NLRP14: variants seen among roughly 807,000 people sequenced by gnomAD.
NLRP14 encodes NLR family pyrin domain containing 14, also known as NACHT, LRR and PYD domains-containing protein 14.
In NLRP14, 105 loss-of-function variants were observed where a neutral mutation model predicts 94.7. That is an observed-to-expected ratio of 1.11 (90% CI 0.95 to 1.30). The LOEUF is 1.30. Among genes scored for constraint, NLRP14 ranks in the 50% most tolerant of loss-of-function variants. The probability of loss-of-function intolerance (pLI) is 0.00; values close to 1 mark genes in which losing one functional copy is unlikely to be tolerated. For missense variants in NLRP14, 1,362 were observed against 1,254.1 expected (o/e 1.09, Z -1.30); for synonymous variants, 508 against 459.9 (o/e 1.10, Z -1.34).
chr11:7,037,809 G>A (rs1852181746), intron 1 of NLRP14, among the ~76,000 whole-genome samples: 1 of 152,182 alleles, frequency 6.6e-6, no homozygotes, highest in Non-Finnish European at 1.5e-5. Flanking sequence ...GACAAAGCCT[G>A]GGGTGAGAGC....
chr11:7,046,147 T>A (rs1852345106), intron 4 of NLRP14, among the ~76,000 whole-genome samples: 1 of 152,176 alleles, frequency 6.6e-6, no homozygotes, highest in Non-Finnish European at 1.5e-5. Context: ...AATTTCCACA[T>A]CTTTGTGAAA....
downstream of NLRP14, among the ~76,000 whole-genome samples, chr11:7,075,863 G>A (rs192991552): frequency 5.4e-4 from 82 of 152,268 alleles, no homozygotes; most frequent in African/African-American, 1.9e-3. Flanking sequence ...GATCATCGGG[G>A]ATCTCCCCTC....
chr11:7,077,165 C>T, the NLRP14 span, among the ~76,000 whole-genome samples: 1 of 152,208 alleles, frequency 6.6e-6, no homozygotes, highest in Non-Finnish European at 1.5e-5. Flanking sequence ...AGCTCTCAGG[C>T]CCTGACCTTC....
chr11:7,087,517 A>G, the NLRP14 span, among the ~76,000 whole-genome samples: 27 of 152,162 alleles, frequency 1.8e-4, no homozygotes, highest in Non-Finnish European at 2.6e-4. Context: ...GGCACAAGTG[A>G]ACCCTCTGGA....
chr11:7,064,638 C>T (rs1852677869), intron 10 of NLRP14, among the ~76,000 whole-genome samples: 1 of 152,006 alleles, frequency 6.6e-6, no homozygotes, highest in Admixed American at 6.6e-5. Flanking sequence ...AGGAATCATA[C>T]AAATGGGAGA....
intron 1 of NLRP14, among the ~76,000 whole-genome samples, chr11:7,030,144 A>G (rs988861241): frequency 6.6e-6 from 1 of 152,204 alleles, no homozygotes; most frequent in Non-Finnish European, 1.5e-5. Flanking sequence ...CCATTTACCC[A>G]TGTGATCCAG....
At chr11:7,079,674 G>A in the NLRP14 span, among the ~76,000 whole-genome samples, 3 of 152,204 alleles carry the variant, frequency 2.0e-5, no homozygotes, top group Non-Finnish European at 4.4e-5. Flanking sequence ...CTAGCACTGA[G>A]ACAAAAGACA....
At chr11:7,049,351 T>A (rs915113321) in intron 5 of NLRP14, among the ~76,000 whole-genome samples, 1 of 152,224 alleles carries the variant, frequency 6.6e-6, no homozygotes, top group Non-Finnish European at 1.5e-5. Flanking sequence ...AAGATTTGGC[T>A]ATTGTGAATT....
At chr11:7,048,988 T>G (rs1852400311) in intron 5 of NLRP14, among the ~76,000 whole-genome samples, 1 of 148,834 alleles carries the variant, frequency 6.7e-6, no homozygotes, top group Non-Finnish European at 1.5e-5. Context: ...TTTTCCTGTG[T>G]GTACTTGCCT....
the NLRP14 span, among the ~76,000 whole-genome samples, chr11:7,081,432 TCA>T: frequency 6.6e-6 from 1 of 152,134 alleles, no homozygotes; most frequent in African/African-American, 2.4e-5. Flanking sequence ...TCTTTTATAG[TCA>T]CAGAGTCCTC....
the NLRP14 span, among the ~76,000 whole-genome samples, chr11:7,087,416 T>C: frequency 1.3e-5 from 2 of 152,180 alleles, no homozygotes; most frequent in African/African-American, 4.8e-5. Flanking sequence ...TGCAAATAAA[T>C]GCCCTCCTTT....
intron 3 of NLRP14, among the ~76,000 whole-genome samples, chr11:7,041,172 C>T (rs938301821): frequency 6.6e-6 from 1 of 152,040 alleles, no homozygotes; most frequent in Non-Finnish European, 1.5e-5. Flanking sequence ...TTTTTCTTCT[C>T]CCTGCCTGGC....
the NLRP14 span, among the ~76,000 whole-genome samples, chr11:7,081,337 G>A: frequency 6.6e-5 from 10 of 152,094 alleles, no homozygotes; most frequent in Non-Finnish European, 1.0e-4. Flanking sequence ...AGTGGTCTAG[G>A]TGGTCTGTTG....
intron 1 of NLRP14, among the ~76,000 whole-genome samples, chr11:7,031,629 C>T (rs973468832): frequency 6.6e-6 from 1 of 152,166 alleles, no homozygotes; most frequent in South Asian, 2.1e-4. Context: ...CCACTTTCAC[C>T]AGCCTTGACG....
At chr11:7,031,828 G>A (rs1852102225) in intron 1 of NLRP14, among the ~76,000 whole-genome samples, 1 of 152,130 alleles carries the variant, frequency 6.6e-6, no homozygotes, top group Non-Finnish European at 1.5e-5. Context: ...TCTCACTGGT[G>A]CTCCAGGTTA....
chr11:7,070,594 A>G, intron 11 of NLRP14, 138 bp downstream of exon 11: 1 of 647,496 alleles, frequency 1.5e-6, no homozygotes, highest in Non-Finnish European at 2.7e-6. Context: ...TTTTTCTGTC[A>G]TAGAACACTG....
At chr11:7,079,229 C>T in the NLRP14 span, among the ~76,000 whole-genome samples, 1 of 152,246 alleles carries the variant, frequency 6.6e-6, no homozygotes, top group East Asian at 1.9e-4. Flanking sequence ...CCCCTAAATT[C>T]CCATCTAGAG....
the NLRP14 span, chr11:7,089,096 C>G: frequency 1.2e-6 from 2 of 1,607,956 alleles, no homozygotes; most frequent in East Asian, 4.5e-5. Context: ...CCCACCGCCA[C>G]TGACCGACCG....
At chr11:7,041,924 T>C (rs964112153) in intron 3 of NLRP14, among the ~76,000 whole-genome samples, 5 of 152,142 alleles carry the variant, frequency 3.3e-5, no homozygotes, top group African/African-American at 1.2e-4. Context: ...AATGTTTATT[T>C]CTATTAACTT....
Sources: allele counts gnomAD v4.1 joint callset (sites outside exome capture counted in the v4.1 genomes callset), GRCh38; gene constraint gnomAD v4.1.1; transcripts MANE v1.5; gene names NCBI Gene and HGNC (gene_info 2026-07-23, HGNC 2026-07-21).